Variants in PCDH7 observed in about 807,000 individuals in gnomAD.
PCDH7 encodes the protein protocadherin 7, also known as protocadherin-7.
Under a neutral mutation model 58.9 loss-of-function variants are expected in PCDH7, and 17 were observed. The ratio of observed to expected loss-of-function variants is 0.29; its 90% CI spans 0.20 to 0.43. The LOEUF is 0.43. PCDH7 is among the 20% of genes least tolerant of loss of function. The pLI, the probability that PCDH7 is intolerant of heterozygous loss-of-function variation, is 1.00. For missense variants in PCDH7, 1,274 were observed against 1,441.0 expected (o/e 0.88, Z 1.88); for synonymous variants, 664 against 616.4 (o/e 1.08, Z -1.14).
chr4:31,058,141 A>C (rs1757405192), intron 3 of PCDH7, among the ~76,000 whole-genome samples: 1 of 152,072 alleles, frequency 6.6e-6, no homozygotes, highest in African/African-American at 2.4e-5. Context: ...ACACAACCAA[A>C]AAAATTAAAA....
intron 1 of PCDH7, chr4:30,725,019 A>G (rs1435952659): frequency 9.9e-7 from 1 of 1,009,144 alleles, no homozygotes; most frequent in South Asian, 4.6e-5. Context: ...ACTGGTGTCT[A>G]TGCAAATTGG....
chr4:30,812,077 A>G (rs1281089614), intron 1 of PCDH7, among the ~76,000 whole-genome samples: 6 of 152,258 alleles, frequency 3.9e-5, no homozygotes, highest in Admixed American at 6.5e-5. Flanking sequence ...AAATATTTCT[A>G]TTCCAAGAAC....
chr4:30,965,196 AT>A (rs1748891741), intron 3 of PCDH7, among the ~76,000 whole-genome samples: 1 of 152,148 alleles, frequency 6.6e-6, no homozygotes, highest in Non-Finnish European at 1.5e-5. Flanking sequence ...TCATACATTA[AT>A]TTATAAAGAA....
intron 3 of PCDH7, among the ~76,000 whole-genome samples, chr4:31,076,479 G>C (rs925403764): frequency 3.3e-5 from 5 of 152,152 alleles, no homozygotes; most frequent in Non-Finnish European, 5.9e-5. Context: ...AGACATTAGT[G>C]TAAAGCAGTG....
intron 3 of PCDH7, among the ~76,000 whole-genome samples, chr4:31,079,263 GA>G (rs964027447): frequency 6.7e-5 from 7 of 103,852 alleles, no homozygotes; most frequent in East Asian, 3.7e-4. Context: ...TAAACCAAGT[GA>G]AAAAAAAATG....
At chr4:30,854,732 C>T (rs1291112215) in intron 1 of PCDH7, among the ~76,000 whole-genome samples, 4 of 151,800 alleles carry the variant, frequency 2.6e-5, no homozygotes, top group East Asian at 1.9e-4. Flanking sequence ...ATCCAAGAGT[C>T]GGAATTTTTA....
chr4:30,967,390 C>T (rs1400240669), intron 3 of PCDH7, among the ~76,000 whole-genome samples: 2 of 152,058 alleles, frequency 1.3e-5, no homozygotes, highest in Non-Finnish European at 2.9e-5. Flanking sequence ...TCAAGCAATT[C>T]TCGTGGTTGA....
Position 30,724,839 on chromosome 4 carries a change from G to T in PCDH7, c.3174+243G>T, listed in dbSNP as rs374309691. The T allele has an allele frequency of 6.8e-6, 9 of 1,317,206 alleles. No homozygotes were observed. The African/African-American group carries it at 1.4e-4, about 20-fold the overall frequency. 81.6% of individuals were successfully genotyped at this position (1,317,206 alleles called of 1,614,324 possible). A position where few individuals can be genotyped will look rare whatever the true frequency, so the allele number is the denominator to read the frequency against. On this transcript the variant is annotated intron_variant, in intron 1 of 1. Coordinates refer to ENST00000361762, the Ensembl canonical transcript of PCDH7. Reference sequence around the variant, plus strand: ...CTGAAAGAAGTATTCAGAGTAGGCAGTGTTTGGCAGTTCTCTTTGCACTTG... The same window carrying T: ...CTGAAAGAAGTATTCAGAGTAGGCATTGTTTGGCAGTTCTCTTTGCACTTG...
intron 1 of PCDH7, among the ~76,000 whole-genome samples, chr4:30,774,609 T>C (rs1721830137): frequency 6.6e-6 from 1 of 152,182 alleles, no homozygotes; most frequent in African/African-American, 2.4e-5. Context: ...ATAGAGTTTA[T>C]GTGCCAGATA....
At chr4:30,827,356 A>G (rs2109327132) in intron 1 of PCDH7, among the ~76,000 whole-genome samples, 1 of 152,280 alleles carries the variant, frequency 6.6e-6, no homozygotes, top group South Asian at 2.1e-4. Context: ...CTAGTACTAT[A>G]CATAGTGGAA....
At chr4:30,947,549 T>C (rs752958184) in intron 2 of PCDH7, among the ~76,000 whole-genome samples, 19 of 152,340 alleles carry the variant, frequency 1.2e-4, no homozygotes, top group Non-Finnish European at 2.4e-4. Flanking sequence ...TTCTCTACTC[T>C]ATCAATTCTT....
chr4:31,019,291 G>A (rs1014449587), intron 3 of PCDH7, among the ~76,000 whole-genome samples: 1 of 152,000 alleles, frequency 6.6e-6, no homozygotes, highest in African/African-American at 2.4e-5. Context: ...TAACATAAGA[G>A]CTTTTCAAAA....
intron 3 of PCDH7, among the ~76,000 whole-genome samples, chr4:31,107,691 C>A (rs558080798): frequency 6.6e-6 from 1 of 152,124 alleles, no homozygotes; most frequent in East Asian, 1.9e-4. Flanking sequence ...CAATATATAT[C>A]TAAAAAATGT....
intron 3 of PCDH7, among the ~76,000 whole-genome samples, chr4:31,079,403 G>A (rs1759312238): frequency 7.3e-6 from 1 of 136,136 alleles, no homozygotes; most frequent in Non-Finnish European, 1.6e-5. Flanking sequence ...CAGTGGATGT[G>A]AAAAGTTATC....
At chr4:31,081,127 A>T (rs1457374889) in intron 3 of PCDH7, among the ~76,000 whole-genome samples, 1 of 152,204 alleles carries the variant, frequency 6.6e-6, no homozygotes, top group Non-Finnish European at 1.5e-5. Flanking sequence ...TGTATGAAAA[A>T]CATGCAGTAT....
intron 3 of PCDH7, among the ~76,000 whole-genome samples, chr4:30,955,157 C>T (rs1039831452): frequency 6.6e-6 from 1 of 151,828 alleles, no homozygotes; most frequent in Non-Finnish European, 1.5e-5. Flanking sequence ...GATTCTTGTG[C>T]TTAAAAATGT....
At chr4:30,822,687 G>A (rs1014464454) in intron 1 of PCDH7, among the ~76,000 whole-genome samples, 1 of 151,946 alleles carries the variant, frequency 6.6e-6, no homozygotes, top group African/African-American at 2.4e-5. Flanking sequence ...TGTGGTCATT[G>A]CACAAGAAAG....
chr4:30,741,698 GTTA>G (rs1333564142), intron 1 of PCDH7, among the ~76,000 whole-genome samples: 2 of 152,194 alleles, frequency 1.3e-5, no homozygotes, highest in Non-Finnish European at 2.9e-5. Flanking sequence ...AATAGTGTTT[GTTA>G]TTTGCTGACT....
chr4:30,912,702 G>A (rs1475880641), intron 1 of PCDH7, among the ~76,000 whole-genome samples: 1 of 152,126 alleles, frequency 6.6e-6, no homozygotes, highest in Non-Finnish European at 1.5e-5. Flanking sequence ...GATTTAACCT[G>A]AGGTTCTTTC....
Sources: gnomAD v4.1 joint callset for allele counts (sites outside exome capture counted in the v4.1 genomes callset) on GRCh38, gnomAD v4.1.1 for gene constraint, MANE v1.5 for transcripts, NCBI Gene and HGNC (gene_info 2026-07-23, HGNC 2026-07-21) for gene names.